MARCHF1: variants seen among roughly 807,000 people sequenced by gnomAD.
MARCHF1 encodes membrane associated ring-CH-type finger 1.
MARCHF1 carries 40 observed loss-of-function variants against 54.2 expected under a neutral mutation model. The ratio of observed to expected loss-of-function variants is 0.74; its 90% CI spans 0.57 to 0.96. The LOEUF (loss-of-function observed/expected upper bound fraction) is 0.96. MARCHF1 is among the 40% of genes least tolerant of loss of function. The pLI, the probability that MARCHF1 is intolerant of heterozygous loss-of-function variation, is 0.00. For missense variants in MARCHF1, 586 were observed against 656.5 expected (o/e 0.89, Z 1.17); for synonymous variants, 236 against 236.3 (o/e 1.00, Z 0.01).
At chr4:163,988,968 C>G (rs1022689093) in intron 2 of MARCHF1, 3 of 152,104 alleles carry the variant, frequency 2.0e-5, no homozygotes, top group African/African-American at 7.2e-5. Flanking sequence ...TCATGGAAAC[C>G]AAGGAAACCT....
chr4:164,342,632 A>G (rs1269300693), intron 1 of MARCHF1, among the ~76,000 whole-genome samples: 2 of 152,154 alleles, frequency 1.3e-5, no homozygotes, highest in African/African-American at 4.8e-5. Context: ...TACAGGAAGT[A>G]AGATCACTAT....
intron 4 of MARCHF1, among the ~76,000 whole-genome samples, chr4:163,706,160 C>T (rs1350872810): frequency 6.6e-6 from 1 of 152,082 alleles, no homozygotes; most frequent in East Asian, 1.9e-4. Context: ...CCAGAACTAA[C>T]AATTGTCAGT....
chr4:163,741,439 C>T (rs1043954296), intron 4 of MARCHF1, among the ~76,000 whole-genome samples: 14 of 151,922 alleles, frequency 9.2e-5, no homozygotes, highest in Non-Finnish European at 1.6e-4. Context: ...ACAAATTAGC[C>T]GGGCGTGGTG....
chr4:164,098,072 AG>A (rs1450331660), intron 2 of MARCHF1, among the ~76,000 whole-genome samples: 5 of 152,158 alleles, frequency 3.3e-5, no homozygotes, highest in African/African-American at 9.7e-5. Context: ...AGCAGTGATA[AG>A]TGAGAGCTGA....
intron 4 of MARCHF1, among the ~76,000 whole-genome samples, chr4:163,779,565 G>C (rs916950631): frequency 1.3e-4 from 20 of 151,804 alleles, no homozygotes; most frequent in African/African-American, 4.1e-4. Flanking sequence ...AGGTAGCTTG[G>C]CCATAAATGA....
At chr4:163,645,247 G>A (rs1472030285) in intron 5 of MARCHF1, among the ~76,000 whole-genome samples, 1 of 152,152 alleles carries the variant, frequency 6.6e-6, no homozygotes, top group Non-Finnish European at 1.5e-5. Flanking sequence ...CCAGAGCACT[G>A]CTAACAGGTC....
chr4:164,325,809 A>G (rs1021004641), intron 1 of MARCHF1, among the ~76,000 whole-genome samples: 15 of 152,146 alleles, frequency 9.9e-5, no homozygotes, highest in Non-Finnish European at 4.4e-5. Flanking sequence ...ACATTTCACC[A>G]TGTTAAAATT....
intron 7 of MARCHF1, among the ~76,000 whole-genome samples, chr4:163,595,285 A>G (rs183404827): frequency 4.6e-5 from 7 of 151,640 alleles, no homozygotes; most frequent in African/African-American, 9.7e-5. Flanking sequence ...GCCAAGGCAG[A>G]AGGACTGCTT....
At chr4:163,531,943 G>T (rs1738368168) in intron 9 of MARCHF1, among the ~76,000 whole-genome samples, 1 of 151,772 alleles carries the variant, frequency 6.6e-6, no homozygotes, top group South Asian at 2.1e-4. Context: ...GGAAATAAAA[G>T]AATATCTGAA....
chr4:164,308,558 A>G (rs563055974), intron 1 of MARCHF1, among the ~76,000 whole-genome samples: 1 of 152,282 alleles, frequency 6.6e-6, no homozygotes, highest in South Asian at 2.1e-4. Context: ...GCTCCAGAAC[A>G]CCACAACTAA....
At chr4:163,811,989 C>G (rs1748400966) in intron 4 of MARCHF1, among the ~76,000 whole-genome samples, 1 of 152,138 alleles carries the variant, frequency 6.6e-6, no homozygotes, top group African/African-American at 2.4e-5. Flanking sequence ...TGGACATCAT[C>G]TAATCTGTTG....
chr4:163,861,500 A>G (rs1050802849), intron 3 of MARCHF1, among the ~76,000 whole-genome samples: 15 of 152,152 alleles, frequency 9.9e-5, no homozygotes, highest in African/African-American at 3.6e-4. Context: ...TAACAGCATC[A>G]AATATTATCT....
chr4:164,135,851 T>C lies in MARCHF1; in HGVS notation c.-322-24189A>G, dbSNP rs1010776165. On this transcript the variant is annotated intron_variant, in intron 1 of 9. Coordinates refer to ENST00000514618, the MANE Select transcript of MARCHF1 (RefSeq NM_001394959.1). ...GAATTCCTTGTGAAAATGCAGAAACTTACGTTTTTCCTCAACTCAATAAAT... is the reference window on the plus strand; with the variant it reads ...GAATTCCTTGTGAAAATGCAGAAACCTACGTTTTTCCTCAACTCAATAAAT... Among the ~76,000 whole-genome samples the C allele has an allele frequency of 3.9e-5, 6 of 152,200 alleles. No individual in the cohort carries two copies. The East Asian group carries it at 9.6e-4, about 24-fold the overall frequency.
intron 1 of MARCHF1, among the ~76,000 whole-genome samples, chr4:164,160,218 T>C (rs2110938496): frequency 6.6e-6 from 1 of 152,274 alleles, no homozygotes; most frequent in East Asian, 1.9e-4. Context: ...CCTTGGGTGA[T>C]TTCCTCATCT....
At chr4:164,196,298 G>A (rs536459610) in intron 1 of MARCHF1, among the ~76,000 whole-genome samples, 30 of 152,024 alleles carry the variant, frequency 2.0e-4, no homozygotes, top group African/African-American at 6.0e-4. Context: ...CCCCAGGTAT[G>A]CTTTATTATT....
At chr4:163,857,448 C>T (rs898628056) in intron 3 of MARCHF1, among the ~76,000 whole-genome samples, 1 of 151,822 alleles carries the variant, frequency 6.6e-6, no homozygotes, top group Admixed American at 6.6e-5. Flanking sequence ...TATAATTAAC[C>T]CCAAAGCACT....
chr4:163,562,654 C>T (rs965339063), intron 8 of MARCHF1, among the ~76,000 whole-genome samples: 2 of 152,140 alleles, frequency 1.3e-5, no homozygotes, highest in African/African-American at 4.8e-5. Context: ...TAGAGACATC[C>T]TGATGACTTC....
At chr4:163,532,618 T>C (rs1738390052) in intron 9 of MARCHF1, among the ~76,000 whole-genome samples, 1 of 151,902 alleles carries the variant, frequency 6.6e-6, no homozygotes, top group Non-Finnish European at 1.5e-5. Flanking sequence ...GGAAAAAATA[T>C]TTGCAAAACA....
At chr4:164,369,004 C>T (rs1413753431) in intron 1 of MARCHF1, among the ~76,000 whole-genome samples, 1 of 152,120 alleles carries the variant, frequency 6.6e-6, no homozygotes, top group Non-Finnish European at 1.5e-5. Flanking sequence ...GTGCTGCAGG[C>T]CAGCAAAGTC....
Sources: allele counts gnomAD v4.1 joint callset (sites outside exome capture counted in the v4.1 genomes callset), GRCh38; gene constraint gnomAD v4.1.1; transcripts MANE v1.5; gene names NCBI Gene and HGNC (gene_info 2026-07-23, HGNC 2026-07-21).